The following JPH3 variants were observed in gnomAD, a reference collection of about 807,000 sequenced individuals.
JPH3 encodes junctophilin-3.
In JPH3, 11 loss-of-function variants were observed where a neutral mutation model predicts 59.6. The ratio of observed to expected loss-of-function variants is 0.18; its 90% CI spans 0.12 to 0.31. The LOEUF (loss-of-function observed/expected upper bound fraction) is 0.31, where lower values mean the gene tolerates loss of function less well. Among genes scored for constraint, JPH3 ranks in the 10% least tolerant of loss-of-function variants. The probability of loss-of-function intolerance (pLI) is 1.00; values close to 1 mark genes in which losing one functional copy is unlikely to be tolerated. For missense variants in JPH3, 1,202 were observed against 1,105.7 expected (o/e 1.09, Z -1.24); for synonymous variants, 673 against 483.6 (o/e 1.39, Z -5.14).
At chr16:87,625,755 C>T (rs1481248622) in intron 1 of JPH3, among the ~76,000 whole-genome samples, 2 of 152,156 alleles carry the variant, frequency 1.3e-5, no homozygotes, top group South Asian at 4.1e-4. Flanking sequence ...TGACCCAGGG[C>T]TAGCAAAGGA....
chr16:87,603,001 C>CGGG lies in JPH3; in HGVS notation c.-145_-144insGGG. On this transcript the variant is annotated 5_prime_UTR_variant, in exon 1 of 5. Transcript: ENST00000284262. ...CTCCGGAGCCGGCGCCGCGGCCGCC[C>CGGG]GCGCCCGAGACCGCGCTCCGGGGCC... 1 of 945,190 alleles carries CGGG rather than the reference C, an allele frequency of 1.1e-6. No individual in the cohort carries two copies. The highest frequency in any genetic ancestry group is 1.5e-6 in the Non-Finnish European group (1 of 655,862). 58.6% of individuals were successfully genotyped at this position (945,190 alleles called of 1,614,324 possible).
intron 1 of JPH3, among the ~76,000 whole-genome samples, chr16:87,637,815 G>T (rs1354272276): frequency 6.6e-6 from 1 of 152,156 alleles, no homozygotes; most frequent in African/African-American, 2.4e-5. Context: ...CCTGGGTGGT[G>T]TTCCCATGCC....
intron 2 of JPH3, among the ~76,000 whole-genome samples, chr16:87,669,264 G>C (rs1203138966): frequency 1.3e-5 from 2 of 152,216 alleles, no homozygotes; most frequent in African/African-American, 4.8e-5. Context: ...GGTTCAGGAT[G>C]CTTGCCTGCT....
intron 2 of JPH3, among the ~76,000 whole-genome samples, chr16:87,647,387 A>G (rs1391061895): frequency 6.6e-6 from 1 of 152,036 alleles, no homozygotes; most frequent in Non-Finnish European, 1.5e-5. Flanking sequence ...AGAAGGACAG[A>G]CAGACGGGTG....
chr16:87,618,916 G>C (rs189815754), intron 1 of JPH3, among the ~76,000 whole-genome samples: 1 of 152,140 alleles, frequency 6.6e-6, no homozygotes, highest in Non-Finnish European at 1.5e-5. Flanking sequence ...TGGCAAAACT[G>C]CATCTCTACT....
intron 2 of JPH3, among the ~76,000 whole-genome samples, chr16:87,677,570 A>G (rs1225720600): frequency 6.6e-6 from 1 of 152,172 alleles, no homozygotes; most frequent in Non-Finnish European, 1.5e-5. Context: ...AGGTGAGGAA[A>G]CTGAGGCCCA....
At chr16:87,636,903 G>A (rs1281329675) in intron 1 of JPH3, among the ~76,000 whole-genome samples, 3 of 152,184 alleles carry the variant, frequency 2.0e-5, no homozygotes, top group South Asian at 2.1e-4. Context: ...GACCTTCCCC[G>A]GCCATAGTAC....
chr16:87,613,532 A>G (rs906728046), intron 1 of JPH3, among the ~76,000 whole-genome samples: 3 of 152,064 alleles, frequency 2.0e-5, no homozygotes, highest in African/African-American at 7.2e-5. Flanking sequence ...TGTTGGCCAG[A>G]CTGGTCTTGA....
At chr16:87,659,743 A>G (rs2032640796) in intron 2 of JPH3, among the ~76,000 whole-genome samples, 1 of 152,058 alleles carries the variant, frequency 6.6e-6, no homozygotes, top group Non-Finnish European at 1.5e-5. Context: ...AAAAAAAAAA[A>G]GGATGATTTT....
intron 2 of JPH3, among the ~76,000 whole-genome samples, chr16:87,652,677 G>C: frequency 6.6e-6 from 1 of 152,208 alleles, no homozygotes; most frequent in East Asian, 1.9e-4. Flanking sequence ...AGGCAGGTGC[G>C]GAGCTTACGG....
chr16:87,685,707 A>ACCC (rs1192811143), intron 3 of JPH3, among the ~76,000 whole-genome samples: 1 of 152,074 alleles, frequency 6.6e-6, no homozygotes. Flanking sequence ...CCACGTACCA[A>ACCC]CCCTGGCCCA....
intron 2 of JPH3, among the ~76,000 whole-genome samples, chr16:87,679,871 C>G (rs1259157569): frequency 6.6e-6 from 1 of 152,266 alleles, no homozygotes; most frequent in African/African-American, 2.4e-5. Flanking sequence ...AGGCCCCCAG[C>G]TGGTCTTGGG....
At chr16:87,603,635 T>C in intron 1 of JPH3, 107 bp downstream of exon 1, 1 of 1,366,362 alleles carries the variant, frequency 7.3e-7, no homozygotes, top group Non-Finnish European at 9.8e-7. Flanking sequence ...GGTTGGGCCG[T>C]GGGCACCAGG....
intron 1 of JPH3, among the ~76,000 whole-genome samples, chr16:87,635,480 G>A (rs2031708152): frequency 6.6e-6 from 1 of 152,186 alleles, no homozygotes; most frequent in Non-Finnish European, 1.5e-5. Flanking sequence ...GGCTGTGCTG[G>A]CCCAGGGCTC....
intron 2 of JPH3, among the ~76,000 whole-genome samples, chr16:87,662,902 G>A (rs950508438): frequency 5.3e-5 from 8 of 152,302 alleles, no homozygotes; most frequent in Admixed American, 3.3e-4. Flanking sequence ...GAAAAGCACC[G>A]GCTCCTTTCA....
rs543729290 is a variant in JPH3 at position 87,646,728 on chromosome 16, G to A, written c.1160+1693G>A. 4.4e-4 allele frequency among the ~76,000 whole-genome samples: 67 copies of A among 152,146 alleles called. 1 individual carries two copies. The highest frequency in any genetic ancestry group is 1.5e-3 in the African/African-American group (64 of 41,474). On this transcript the variant is annotated intron_variant, in intron 2 of 4. Transcript: ENST00000284262. ...GCAGTTTTGGGGGCTGGGGGACAGC[G>A]GCGTCACGGAATTGAGGAAGCTCGT...
chr16:87,695,004 CG>C (rs1206532490), intron 4 of JPH3: 3 of 306,114 alleles, frequency 9.8e-6, no homozygotes, highest in African/African-American at 6.5e-5. Context: ...ATCCTGCTGC[CG>C]GGAGTGTGTG....
At chr16:87,692,160 G>A (rs766163883) in intron 4 of JPH3, among the ~76,000 whole-genome samples, 3 of 152,098 alleles carry the variant, frequency 2.0e-5, no homozygotes, top group Non-Finnish European at 4.4e-5. Flanking sequence ...CTTGGAAGTG[G>A]CCACCCTGGG....
intron 1 of JPH3, chr16:87,604,933 G>A (rs1041821965): frequency 2.2e-6 from 1 of 452,088 alleles, no homozygotes; most frequent in Non-Finnish European, 4.5e-6. Context: ...GGGCGCTGAG[G>A]GCCGGGCGGG....
Sources: gnomAD v4.1 joint callset for allele counts (sites outside exome capture counted in the v4.1 genomes callset) on GRCh38, gnomAD v4.1.1 for gene constraint, MANE v1.5 for transcripts, NCBI Gene and HGNC (gene_info 2026-07-23, HGNC 2026-07-21) for gene names.